Variants in CD33 observed in about 807,000 individuals in gnomAD.
CD33 encodes CD33 molecule, also known as myeloid cell surface antigen CD33.
CD33 carries 25 observed loss-of-function variants against 31.4 expected under a neutral mutation model. The observed-to-expected ratio is 0.80, with a 90% CI of 0.58 to 1.11. The LOEUF (loss-of-function observed/expected upper bound fraction) is 1.11. Among genes scored for constraint, CD33 ranks in the 50% most tolerant of loss-of-function variants. The pLI is 0.00. For missense variants in CD33, 407 were observed against 448.1 expected (o/e 0.91, Z 0.83); for synonymous variants, 176 against 180.6 (o/e 0.97, Z 0.20).
At chr19:51,211,822 C>A in the CD33 span, 1 of 983,432 alleles carries the variant, frequency 1.0e-6, no homozygotes, top group Non-Finnish European at 1.6e-6. Flanking sequence ...ATCTTCATCC[C>A]GAGGACCCTG....
chr19:51,236,537 G>A (rs1981818258), intron 6 of CD33: 1 of 152,538 alleles, frequency 6.6e-6, no homozygotes. Flanking sequence ...TTGTATGCAA[G>A]TCCTTTATTA....
chr19:51,212,140 C>A, the CD33 span: 1 of 512,716 alleles, frequency 2.0e-6, no homozygotes. Flanking sequence ...AGAGGAGGAC[C>A]AGGACTGGGG....
At chr19:51,232,339 C>A (rs1307768502) in intron 4 of CD33, among the ~76,000 whole-genome samples, 1 of 152,134 alleles carries the variant, frequency 6.6e-6, no homozygotes, top group Non-Finnish European at 1.5e-5. Flanking sequence ...TTTTACAATT[C>A]TTTACTTGAC....
At chr19:51,216,865 G>C in the CD33 span, among the ~76,000 whole-genome samples, 50 of 152,290 alleles carry the variant, frequency 3.3e-4, no homozygotes, top group African/African-American at 1.2e-3. Context: ...CATGAAGGTG[G>C]TGAGGAAGCA....
Position 51,239,969 on chromosome 19 carries a change from C to T in CD33, c.*281C>T, listed in dbSNP as rs914453054. 4.3e-5 allele frequency: 11 copies of T among 255,102 alleles called. No individual in the cohort carries two copies. Among genetic ancestry groups the T allele is most frequent in the Non-Finnish European group, 4.4e-5 (6 of 135,340 alleles). The allele number at this position is 255,102 out of a possible 1,614,324, so 15.8% of individuals were successfully genotyped here. ...GAAGTAGGTATAAGAAGTCCTATCTCATAGGGATGCTGTGAGCATTAAATA... is the reference window on the plus strand; with the variant it reads ...GAAGTAGGTATAAGAAGTCCTATCTTATAGGGATGCTGTGAGCATTAAATA... On this transcript the variant is annotated 3_prime_UTR_variant, in exon 7 of 7. Coordinates refer to ENST00000262262, the MANE Select transcript of CD33 (RefSeq NM_001772.4).
At chr19:51,225,705 C>T in intron 2 of CD33, 98 bp from the exon 3 acceptor site, 10 of 1,537,970 alleles carry the variant, frequency 6.5e-6, no homozygotes, top group East Asian at 2.3e-5. Context: ...TAAAGCCTGT[C>T]GTGCTTAGCG....
intron 4 of CD33, among the ~76,000 whole-genome samples, chr19:51,231,989 C>T (rs1981459816): frequency 6.6e-6 from 1 of 152,112 alleles, no homozygotes; most frequent in Non-Finnish European, 1.5e-5. Flanking sequence ...AATTAAAGAG[C>T]TCAAGTGGTC....
the CD33 span, among the ~76,000 whole-genome samples, chr19:51,214,930 G>A: frequency 6.6e-6 from 1 of 152,190 alleles, no homozygotes; most frequent in African/African-American, 2.4e-5. Context: ...TCACAGCCAG[G>A]GATGCCTGAA....
the CD33 span, chr19:51,211,707 G>C: frequency 1.2e-6 from 1 of 839,658 alleles, no homozygotes; most frequent in Non-Finnish European, 1.9e-6. Flanking sequence ...AGACTCAGGG[G>C]AGGACCCGGA....
chr19:51,226,658 A>G (rs1386383907), intron 4 of CD33, among the ~76,000 whole-genome samples: 2 of 152,194 alleles, frequency 1.3e-5, no homozygotes, highest in Admixed American at 1.3e-4. Flanking sequence ...CTAATAATGT[A>G]TAGTAATCAG....
At chr19:51,214,140 A>G in the CD33 span, among the ~76,000 whole-genome samples, 22 of 141,038 alleles carry the variant, frequency 1.6e-4, no homozygotes, top group Middle Eastern at 5.1e-3. Flanking sequence ...GATTACAGGC[A>G]TGAGCCACCA....
At chr19:51,233,840 C>T (rs1342735374) in intron 4 of CD33, among the ~76,000 whole-genome samples, 1 of 152,210 alleles carries the variant, frequency 6.6e-6, no homozygotes, top group South Asian at 2.1e-4. Context: ...GCCCGGGTGC[C>T]TCCATGCTGC....
At chr19:51,227,055 AT>A (rs1981087984) in intron 4 of CD33, among the ~76,000 whole-genome samples, 1 of 151,936 alleles carries the variant, frequency 6.6e-6, no homozygotes, top group Admixed American at 6.6e-5. Context: ...AGATTTCATT[AT>A]TTTTTATGGC....
chr19:51,214,323 G>A, the CD33 span, among the ~76,000 whole-genome samples: 2 of 151,394 alleles, frequency 1.3e-5, no homozygotes, highest in African/African-American at 4.9e-5. Context: ...TCAGCCTCCT[G>A]AGTAGCTGGG....
At chr19:51,217,659 T>C in the CD33 span, among the ~76,000 whole-genome samples, 2 of 152,206 alleles carry the variant, frequency 1.3e-5, no homozygotes, top group Admixed American at 6.5e-5. Context: ...CCTCAAGTCA[T>C]CCACCAATCT....
At chr19:51,224,779 A>T (rs1025876197), upstream of CD33, among the ~76,000 whole-genome samples, 4 of 152,144 alleles carry the variant, frequency 2.6e-5, no homozygotes, top group African/African-American at 9.7e-5. Context: ...TTGTGCACAG[A>T]AAAGCACCTC....
chr19:51,230,801 G>A (rs1453640460), intron 4 of CD33, among the ~76,000 whole-genome samples: 1 of 152,192 alleles, frequency 6.6e-6, no homozygotes, highest in African/African-American at 2.4e-5. Context: ...TGGTAGAAGG[G>A]CTGAGGCAGG....
chr19:51,220,830 T>C (rs1244842064), upstream of CD33, among the ~76,000 whole-genome samples: 2 of 152,152 alleles, frequency 1.3e-5, no homozygotes, highest in Non-Finnish European at 2.9e-5. Flanking sequence ...GACACACTAG[T>C]GGGCCAACTC....
At chr19:51,226,758 C>A (rs944304572) in intron 4 of CD33, among the ~76,000 whole-genome samples, 3 of 151,698 alleles carry the variant, frequency 2.0e-5, no homozygotes, top group Non-Finnish European at 2.9e-5. Context: ...CTATTTGAAG[C>A]TATCTATTAT....
Sources: gnomAD v4.1 joint callset for allele counts (sites outside exome capture counted in the v4.1 genomes callset) on GRCh38, gnomAD v4.1.1 for gene constraint, MANE v1.5 for transcripts, NCBI Gene and HGNC (gene_info 2026-07-23, HGNC 2026-07-21) for gene names.